The following SLC30A9 variants were observed in gnomAD, a reference collection of about 807,000 sequenced individuals.
The protein encoded by SLC30A9 is solute carrier family 30 member 9.
In SLC30A9, 58 loss-of-function variants were observed where a neutral mutation model predicts 87.5. That is an observed-to-expected ratio of 0.66 (90% CI 0.54 to 0.82). SLC30A9 has a LOEUF of 0.82. SLC30A9 is among the 40% of genes least tolerant of loss of function. The pLI is 0.00. For synonymous variants in SLC30A9, 234 were observed against 233.0 expected (o/e 1.00, Z -0.04); for missense variants, 557 against 679.1 (o/e 0.82, Z 2.00).
At chr4:41,995,077 G>C (rs1020123423) in intron 1 of SLC30A9, among the ~76,000 whole-genome samples, 1 of 151,844 alleles carries the variant, frequency 6.6e-6, no homozygotes, top group Non-Finnish European at 1.5e-5. Flanking sequence ...GGCCAACATG[G>C]CAAAAACCTG....
intron 2 of SLC30A9, among the ~76,000 whole-genome samples, chr4:42,006,999 GTAT>G (rs1460705310): frequency 6.6e-6 from 1 of 152,098 alleles, no homozygotes; most frequent in Non-Finnish European, 1.5e-5. Context: ...GAATAACAGA[GTAT>G]TATTAATACA....
intron 3 of SLC30A9, among the ~76,000 whole-genome samples, chr4:42,019,501 A>AT (rs1715852838): frequency 6.6e-6 from 1 of 151,906 alleles, no homozygotes; most frequent in Non-Finnish European, 1.5e-5. Context: ...ATCTATAATA[A>AT]TTTTTTTTGT....
intron 9 of SLC30A9, among the ~76,000 whole-genome samples, chr4:42,051,604 G>A (rs1247011851): frequency 6.6e-6 from 1 of 152,154 alleles, no homozygotes; most frequent in East Asian, 1.9e-4. Flanking sequence ...TATATCTGGT[G>A]TGAAAAATTC....
At chr4:42,036,058 T>C (rs1716665250) in intron 7 of SLC30A9, among the ~76,000 whole-genome samples, 1 of 152,118 alleles carries the variant, frequency 6.6e-6, no homozygotes, top group Non-Finnish European at 1.5e-5. Context: ...GATTGTTCTT[T>C]CTTCCTTATA....
chr4:41,995,694 G>T (rs1287248920), intron 1 of SLC30A9, among the ~76,000 whole-genome samples: 3 of 152,120 alleles, frequency 2.0e-5, no homozygotes, highest in Non-Finnish European at 2.9e-5. Context: ...GAACTGTAAA[G>T]ATCAGACTAG....
chr4:42,076,752 A>G (rs975093872), intron 16 of SLC30A9, among the ~76,000 whole-genome samples: 24 of 152,070 alleles, frequency 1.6e-4, no homozygotes, highest in Admixed American at 9.8e-4. Context: ...TCACGAGGTC[A>G]AGAGATCGAT....
At chr4:42,065,837 A>G (rs549618740) in intron 12 of SLC30A9, among the ~76,000 whole-genome samples, 22 of 152,326 alleles carry the variant, frequency 1.4e-4, no homozygotes, top group Admixed American at 1.1e-3. Context: ...TGGATAAATA[A>G]TTATTTTACT....
At chr4:42,031,953 AGG>A (rs2153136641) in intron 6 of SLC30A9, among the ~76,000 whole-genome samples, 1 of 152,302 alleles carries the variant, frequency 6.6e-6, no homozygotes, top group East Asian at 1.9e-4. Context: ...TAAAGAAAAG[AGG>A]TTTAATTAGC....
At position 42,087,600 on chromosome 4, in the gene SLC30A9, T is replaced by C. The variant is rs1718967930; in HGVS notation, c.*1474T>C. ...CTTTACGTTGGTGTATTTTTCTTTT[T>C]TTTTTTTTTACTATTACAGAGTATT... On this transcript the variant is annotated 3_prime_UTR_variant, in exon 18 of 18. Coordinates refer to ENST00000264451, the MANE Select transcript of SLC30A9 (RefSeq NM_006345.4). 6.6e-6 allele frequency: 1 copy of C among 151,698 alleles called. No individual in the cohort carries two copies. 9.4% of individuals were successfully genotyped at this position (151,698 alleles called of 1,614,324 possible). A position where few individuals can be genotyped will look rare whatever the true frequency, so the allele number is the denominator to read the frequency against.
Position 42,003,457 on chromosome 4 carries a change from C to G in SLC30A9, c.274+1677C>G, listed in dbSNP as rs573255607. On this transcript the variant is annotated intron_variant, in intron 2 of 17. Transcript: ENST00000264451. The stretch of plus-strand genomic sequence containing the variant: ...TTTTTTATGGTTCTGTAAATTTTTG[C>G]TTTTTATAATTTGAGGCTGTCATTA... 3.3e-5 allele frequency among the ~76,000 whole-genome samples: 5 copies of G among 152,086 alleles called. No individual in the cohort carries two copies. In the South Asian group the frequency reaches 1.0e-3, roughly 32 times the overall value.
intron 4 of SLC30A9, among the ~76,000 whole-genome samples, chr4:42,021,185 C>T (rs979962417): frequency 3.3e-5 from 5 of 152,030 alleles, no homozygotes; most frequent in African/African-American, 1.2e-4. Context: ...CATCAACAAC[C>T]AATTATAATA....
chr4:41,993,933 G>GA (rs1714573263), intron 1 of SLC30A9, among the ~76,000 whole-genome samples: 2 of 152,138 alleles, frequency 1.3e-5, no homozygotes, highest in Admixed American at 1.3e-4. Context: ...GAGGTAGGGG[G>GA]ATCACCTGAG....
intron 9 of SLC30A9, among the ~76,000 whole-genome samples, chr4:42,054,064 T>A (rs1404405850): frequency 6.6e-6 from 1 of 152,134 alleles, no homozygotes; most frequent in Non-Finnish European, 1.5e-5. Flanking sequence ...ACCAGAACTG[T>A]ACATTCTGGG....
intron 6 of SLC30A9, among the ~76,000 whole-genome samples, chr4:42,032,664 G>A (rs756714202): frequency 8.5e-5 from 13 of 152,164 alleles, no homozygotes; most frequent in South Asian, 2.1e-4. Context: ...AAGGAAGAGG[G>A]AAGAGGGAGA....
At chr4:42,022,497 G>T (rs112855066) in intron 4 of SLC30A9, among the ~76,000 whole-genome samples, 6 of 151,980 alleles carry the variant, frequency 3.9e-5, no homozygotes, top group Admixed American at 2.0e-4. Flanking sequence ...CTGGGAGTGA[G>T]CCACCACGCA....
In SLC30A9 at chr4:42,088,553, CT is replaced by C. The variant is rs1409114766; in HGVS notation, c.*2429del. The C allele has an allele frequency of 6.6e-6, 1 of 152,268 alleles. No homozygotes were observed. Among genetic ancestry groups the C allele is most frequent in the Non-Finnish European group, 1.5e-5 (1 of 68,164 alleles). The allele number at this position is 152,268 out of a possible 1,614,324, so 9.4% of individuals were successfully genotyped here. A position where few individuals can be genotyped will look rare whatever the true frequency, so the allele number is the denominator to read the frequency against. ...CTGCTTCTGGGGAGGCCTCGGGAAA[CT>C]TCATTCATGGCAGAATACGAAGGGG... On this transcript the variant is annotated 3_prime_UTR_variant, in exon 18 of 18. Coordinates refer to ENST00000264451, the MANE Select transcript of SLC30A9 (RefSeq NM_006345.4).
intron 8 of SLC30A9, among the ~76,000 whole-genome samples, chr4:42,044,273 TAA>T (rs1717046981): frequency 6.7e-6 from 1 of 149,564 alleles, no homozygotes. Flanking sequence ...GCAAATTGGA[TAA>T]AGAGTCAAGA....
chr4:42,046,810 A>G (rs1717176707), intron 8 of SLC30A9, among the ~76,000 whole-genome samples: 1 of 152,252 alleles, frequency 6.6e-6, no homozygotes, highest in Non-Finnish European at 1.5e-5. Flanking sequence ...AGCTGGAGGC[A>G]TCATGCTGCC....
chr4:42,051,213 G>A (rs1459986547), intron 9 of SLC30A9, among the ~76,000 whole-genome samples: 3 of 152,134 alleles, frequency 2.0e-5, no homozygotes, highest in Non-Finnish European at 4.4e-5. Context: ...TTAACGTAAA[G>A]GCTGTTCTAG....
Sources: gnomAD v4.1 joint callset for allele counts (sites outside exome capture counted in the v4.1 genomes callset) on GRCh38, gnomAD v4.1.1 for gene constraint, MANE v1.5 for transcripts, NCBI Gene and HGNC (gene_info 2026-07-23, HGNC 2026-07-21) for gene names.